CDC14A: variants seen among roughly 807,000 people sequenced by gnomAD.
CDC14A encodes dual specificity protein phosphatase CDC14A.
Under a neutral mutation model 74.4 loss-of-function variants are expected in CDC14A, and 53 were observed. That is an observed-to-expected ratio of 0.71 (90% CI 0.57 to 0.89). The LOEUF is 0.89. Among genes scored for constraint, CDC14A ranks in the 40% least tolerant of loss-of-function variants. The probability of loss-of-function intolerance (pLI) is 0.00; values close to 1 mark genes in which losing one functional copy is unlikely to be tolerated. For synonymous variants in CDC14A, 247 were observed against 258.4 expected (o/e 0.96, Z 0.43); for missense variants, 646 against 713.7 (o/e 0.91, Z 1.08).
At chr1:100,420,005 T>TATATATACATATATATATAC (rs1246949476) in intron 4 of CDC14A, among the ~76,000 whole-genome samples, 1,474 of 110,626 alleles carry the variant, frequency 0.013, 54 homozygotes, top group Non-Finnish European at 0.02. Flanking sequence ...TAAATATATA[T>TATATATACATATATATATAC]ATATATACAT....
intron 5 of CDC14A, among the ~76,000 whole-genome samples, chr1:100,427,639 G>C (rs1475774408): frequency 1.3e-5 from 2 of 152,142 alleles, no homozygotes; most frequent in Non-Finnish European, 2.9e-5. Flanking sequence ...CTCTTCTCTT[G>C]AGGGCTGTGG....
At chr1:100,372,364 A>G (rs1000472137) in intron 2 of CDC14A, among the ~76,000 whole-genome samples, 21 of 152,218 alleles carry the variant, frequency 1.4e-4, no homozygotes, top group African/African-American at 5.1e-4. Flanking sequence ...ATGAGATGCT[A>G]TTTGATAGCA....
upstream of CDC14A, among the ~76,000 whole-genome samples, chr1:100,348,754 C>T (rs953025903): frequency 2.0e-5 from 3 of 152,224 alleles, no homozygotes; most frequent in Admixed American, 6.5e-5. Flanking sequence ...GTCCTGCAGC[C>T]TCCAGGCAGA....
intron 4 of CDC14A, among the ~76,000 whole-genome samples, chr1:100,411,066 T>C (rs1660633185): frequency 2.0e-5 from 3 of 152,186 alleles, no homozygotes; most frequent in Non-Finnish European, 4.4e-5. Context: ...AGAAGATCTC[T>C]CCCTGACCTA....
At chr1:100,434,320 G>A (rs1341325237) in intron 5 of CDC14A, among the ~76,000 whole-genome samples, 1 of 152,180 alleles carries the variant, frequency 6.6e-6, no homozygotes, top group African/African-American at 2.4e-5. Context: ...ACTTGCAGAT[G>A]TGCAGGTTCT....
At chr1:100,379,837 A>G (rs183270194) in intron 3 of CDC14A, among the ~76,000 whole-genome samples, 1 of 152,254 alleles carries the variant, frequency 6.6e-6, no homozygotes, top group East Asian at 1.9e-4. Context: ...TCATATGGCA[A>G]GAGAGGGAGC....
chr1:100,394,884 A>G (rs948969154), intron 4 of CDC14A, among the ~76,000 whole-genome samples: 8 of 152,340 alleles, frequency 5.3e-5, no homozygotes, highest in East Asian at 1.9e-4. Flanking sequence ...AAGATAGTCA[A>G]TAATATCCAT....
At chr1:100,477,553 T>C (rs1041763923) in intron 10 of CDC14A, among the ~76,000 whole-genome samples, 23 of 151,720 alleles carry the variant, frequency 1.5e-4, no homozygotes, top group African/African-American at 5.3e-4. Context: ...CAAGGACTTA[T>C]CAAAAGAGGA....
intron 5 of CDC14A, among the ~76,000 whole-genome samples, chr1:100,429,206 A>AAAATAAATAAATAAATAAATAAATAAAT (rs10529924): frequency 6.0e-4 from 68 of 113,398 alleles, no homozygotes; most frequent in East Asian, 8.9e-4. Context: ...TCCATCTCAA[A>AAAATAAATAAATAAATAAATAAATAAAT]AAATAAATAA....
rs60569646 is a variant in CDC14A at position 100,429,234 on chromosome 1, T to TAAAA, written c.389+4934_389+4935insAAAA. ...ATAAATAAATAAATAAATAAATAAA[T>TAAAA]ATAAAATAAAATGACATATACAATT... On this transcript the variant is annotated intron_variant, in intron 5 of 15. Coordinates refer to ENST00000336454, the MANE Select transcript of CDC14A (RefSeq NM_003672.4). Among the ~76,000 whole-genome samples, 179 of 146,496 alleles carry TAAAA rather than the reference T, an allele frequency of 1.2e-3. 1 individual carries two copies. Among genetic ancestry groups the TAAAA allele is most frequent in the African/African-American group, 4.3e-3 (169 of 39,392 alleles).
chr1:100,432,357 G>A (rs1398473897), intron 5 of CDC14A, among the ~76,000 whole-genome samples: 1 of 152,248 alleles, frequency 6.6e-6, no homozygotes, highest in South Asian at 2.1e-4. Flanking sequence ...GCATTGTCTA[G>A]CTCTGAAGTA....
At chr1:100,348,407 C>T (rs564091543), upstream of CDC14A, among the ~76,000 whole-genome samples, 565 of 151,294 alleles carry the variant, frequency 3.7e-3, 6 homozygotes, top group African/African-American at 0.013. Flanking sequence ...TCTTTCAGAA[C>T]TGCTTACACC....
At chr1:100,454,840 C>G (rs1350650145) in intron 7 of CDC14A, among the ~76,000 whole-genome samples, 1 of 152,112 alleles carries the variant, frequency 6.6e-6, no homozygotes. Context: ...ATCTTGTTAT[C>G]CTCCAGAGTA....
At chr1:100,394,027 T>G in intron 4 of CDC14A, 1 of 262,194 alleles carries the variant, frequency 3.8e-6, no homozygotes, top group Non-Finnish European at 7.5e-6. Flanking sequence ...TGCCTGCCAT[T>G]CTGGGGACCT....
In CDC14A at chr1:100,462,644, C is replaced by A. The variant is rs200457113; in HGVS notation, c.608-7C>A. 9.6e-5 allele frequency: 155 copies of A among 1,608,986 alleles called. 1 individual carries two copies. The African/African-American group carries it at 1.9e-3, about 20-fold the overall frequency. On this transcript the variant is annotated splice_region_variant and splice_polypyrimidine_tract_variant and intron_variant, in intron 8 of 15. Coordinates refer to ENST00000336454, the MANE Select transcript of CDC14A (RefSeq NM_003672.4). ...GCCTTTTGCTTACTGCTCCTTTGTT[C>A]CTTTAGGTTATCCTCTTCACGCCCC...
rs1295624909 is a variant in CDC14A, at chr1:100,413,993, G to GA, written c.310-10226dup. On this transcript the variant is annotated intron_variant, in intron 4 of 15. Transcript: ENST00000336454. ...CATTGAGGGAAGATAATTAACTTAA[G>GA]AAACTAACACACTTACTTAATTATT... Among the ~76,000 whole-genome samples the GA allele has an allele frequency of 2.0e-5, 3 of 152,118 alleles. No homozygotes were observed. The East Asian group carries it at 5.8e-4, about 29-fold the overall frequency.
intron 11 of CDC14A, chr1:100,485,089 CT>C: frequency 1.0e-6 from 1 of 985,358 alleles, no homozygotes; most frequent in Non-Finnish European, 1.2e-6. Flanking sequence ...ATATCACACC[CT>C]GTTACCTCTG....
intron 3 of CDC14A, among the ~76,000 whole-genome samples, chr1:100,386,167 A>T (rs961857367): frequency 1.4e-5 from 2 of 145,392 alleles, no homozygotes; most frequent in Non-Finnish European, 3.0e-5. Flanking sequence ...ATAGTATTTA[A>T]AAAAAAAAAA....
intron 11 of CDC14A, chr1:100,485,402 A>G (rs911322092): frequency 1.4e-6 from 1 of 722,632 alleles, no homozygotes; most frequent in African/African-American, 1.9e-5. Context: ...GGACCTGTTC[A>G]AAATAGTGGA....
Sources: gnomAD v4.1 joint callset for allele counts (sites outside exome capture counted in the v4.1 genomes callset) on GRCh38, gnomAD v4.1.1 for gene constraint, MANE v1.5 for transcripts, NCBI Gene and HGNC (gene_info 2026-07-23, HGNC 2026-07-21) for gene names.